The following POLR3B variants were observed in gnomAD, a reference collection of about 807,000 sequenced individuals.
POLR3B encodes the protein DNA-directed RNA polymerase III subunit RPC2.
Under a neutral mutation model 147.4 loss-of-function variants are expected in POLR3B, and 96 were observed. The observed-to-expected ratio is 0.65, with a 90% CI of 0.55 to 0.77. The LOEUF (loss-of-function observed/expected upper bound fraction) is 0.77. Ranked by LOEUF, POLR3B falls within the 30% of genes least tolerant of loss-of-function variation. The pLI, the probability that POLR3B is intolerant of heterozygous loss-of-function variation, is 0.00. For missense variants in POLR3B, 1,036 were observed against 1,413.5 expected (o/e 0.73, Z 4.28); for synonymous variants, 461 against 485.9 (o/e 0.95, Z 0.67).
rs2037541313 is a variant in POLR3B, at chr12:106,433,846, T to G, written c.1755T>G (p.Ile585Met). The part of the protein sequence containing the change: ...STNLTDRCVY[I>M]SSDGGRLCRP... ...ATCTTACAGATCGATGTGTCTATAT[T>G]TCTTCTGATGGGGGAAGGCTATGCA... The change falls in exon 16 of 28, where the codon ATT becomes ATG. Residue 585 changes from isoleucine to methionine, a missense_variant. Transcript: ENST00000228347. The G allele has an allele frequency of 6.2e-7, 1 of 1,613,606 alleles. No homozygotes were observed. The highest frequency in any genetic ancestry group is 1.3e-5 in the African/African-American group (1 of 74,910).
intron 19 of POLR3B, 116 bp downstream of exon 19, chr12:106,444,706 C>A: frequency 9.2e-7 from 1 of 1,091,788 alleles, no homozygotes; most frequent in Non-Finnish European, 1.4e-6. Context: ...GCACTGGGAA[C>A]ACCTGAGGGT....
At chr12:106,484,609 C>A (rs983449806) in intron 23 of POLR3B, among the ~76,000 whole-genome samples, 1 of 151,442 alleles carries the variant, frequency 6.6e-6, no homozygotes. Context: ...AAAGTGTAAA[C>A]AAAAATATAA....
chr12:106,409,802 A>T (rs1052817701), intron 11 of POLR3B, among the ~76,000 whole-genome samples: 1 of 152,104 alleles, frequency 6.6e-6, no homozygotes, highest in Non-Finnish European at 1.5e-5. Flanking sequence ...AGTATGTATC[A>T]TCTGTGGAAA....
intron 16 of POLR3B, among the ~76,000 whole-genome samples, chr12:106,434,639 A>G (rs1271234308): frequency 1.3e-5 from 2 of 151,908 alleles, no homozygotes; most frequent in Non-Finnish European, 2.9e-5. Flanking sequence ...AGCTGAGGAC[A>G]TTGCCTTGTG....
At chr12:106,444,429 G>A in intron 18 of POLR3B, 34 bp from the exon 19 acceptor site, 2 of 1,611,186 alleles carry the variant, frequency 1.2e-6, no homozygotes, top group Non-Finnish European at 1.7e-6. Context: ...TGTACTTGAT[G>A]CTTAAGATAT....
chr12:106,433,202 G>T (rs2037532788), intron 15 of POLR3B, among the ~76,000 whole-genome samples: 2 of 152,166 alleles, frequency 1.3e-5, no homozygotes, highest in Admixed American at 1.3e-4. Context: ...GTATCCCAGA[G>T]GCTAACATTG....
At chr12:106,417,121 T>C (rs77572457) in intron 12 of POLR3B, among the ~76,000 whole-genome samples, 3,760 of 152,286 alleles carry the variant, frequency 0.025, 162 homozygotes, top group African/African-American at 0.085. Flanking sequence ...TTTTAGATTG[T>C]AAGCTCATTG....
chr12:106,371,854 G>C (rs975243372), intron 6 of POLR3B, among the ~76,000 whole-genome samples: 15 of 151,426 alleles, frequency 9.9e-5, no homozygotes, highest in African/African-American at 3.4e-4. Flanking sequence ...ACGAGTTAAT[G>C]GGTGCAGCAC....
intron 9 of POLR3B, among the ~76,000 whole-genome samples, chr12:106,385,354 A>G (rs1417307600): frequency 6.6e-6 from 1 of 152,246 alleles, no homozygotes; most frequent in Non-Finnish European, 1.5e-5. Context: ...TAACCAGTTT[A>G]GTTGAAATGA....
In POLR3B at chr12:106,380,091, G is replaced by A. The variant is rs1240933661; in HGVS notation, c.675G>A (p.Leu225=). 1 of 1,612,636 alleles carries A rather than the reference G, an allele frequency of 6.2e-7. No homozygotes were observed. Among genetic ancestry groups the A allele is most frequent in the Non-Finnish European group, 8.5e-7 (1 of 1,179,024 alleles). Residue 225 remains leucine, a synonymous_variant, in exon 9 of 28, where the codon TTG becomes TTA. Coordinates refer to ENST00000228347, the MANE Select transcript of POLR3B (RefSeq NM_018082.6). ...NMAVKQGRFY[L]RHNTLSEDIP... ...CTGTGAAACAAGGACGATTTTATTT[G>A]AGGCATAATACTTTGTCAGAAGATA...
rs572020824 is a variant in POLR3B at position 106,399,679 on chromosome 12, T to G, written c.847-6178T>G. Among the ~76,000 whole-genome samples the G allele has an allele frequency of 5.9e-5, 9 of 152,132 alleles. 1 individual carries two copies. The highest frequency in any genetic ancestry group is 8.8e-5 in the Non-Finnish European group (6 of 68,022). ...GAGAGTGGGGGCCAATATTCAACATTCTCAAAGAAAAGAATTTTCAACCCA... is the reference window on the plus strand; with the variant it reads ...GAGAGTGGGGGCCAATATTCAACATGCTCAAAGAAAAGAATTTTCAACCCA... On this transcript the variant is annotated intron_variant, in intron 10 of 27. Transcript: ENST00000228347.
intron 9 of POLR3B, among the ~76,000 whole-genome samples, chr12:106,385,838 A>G (rs983787725): frequency 5.3e-5 from 8 of 152,186 alleles, no homozygotes; most frequent in Non-Finnish European, 1.0e-4. Flanking sequence ...TATAAATGAG[A>G]TGGAGCCATT....
chr12:106,500,022 G>A (rs2038572441), intron 25 of POLR3B: 1 of 453,356 alleles, frequency 2.2e-6, no homozygotes, highest in African/African-American at 2.0e-5. Context: ...CAGTGTTGCA[G>A]GGAGAGCCCT....
intron 12 of POLR3B, among the ~76,000 whole-genome samples, chr12:106,418,504 T>C (rs912994646): frequency 6.6e-6 from 1 of 152,232 alleles, no homozygotes; most frequent in South Asian, 2.1e-4. Context: ...AAACACTAAA[T>C]AGCAATCTCA....
At chr12:106,440,972 G>A (rs551372203) in intron 18 of POLR3B, among the ~76,000 whole-genome samples, 91 of 152,092 alleles carry the variant, frequency 6.0e-4, no homozygotes, top group Non-Finnish European at 1.1e-3. Context: ...TCATACTTAT[G>A]TTTTTTAAAA....
chr12:106,483,442 A>G (rs1400863484), intron 23 of POLR3B, among the ~76,000 whole-genome samples: 1 of 152,236 alleles, frequency 6.6e-6, no homozygotes, highest in African/African-American at 2.4e-5. Context: ...AATGCCCATG[A>G]GGAGTTGACT....
intron 10 of POLR3B, among the ~76,000 whole-genome samples, chr12:106,401,332 A>G (rs970620354): frequency 2.0e-5 from 3 of 152,216 alleles, no homozygotes; most frequent in East Asian, 3.8e-4. Flanking sequence ...GCAATAATCA[A>G]TAGCTTACCA....
chr12:106,420,085 C>A (rs55678155), intron 12 of POLR3B, among the ~76,000 whole-genome samples: 33,916 of 151,890 alleles, frequency 0.22, 4,169 homozygotes, highest in African/African-American at 0.32. Context: ...GCTCAGGAAT[C>A]TAAGAGTAAG....
At chr12:106,398,768 G>A (rs1342524172) in intron 10 of POLR3B, among the ~76,000 whole-genome samples, 1 of 152,174 alleles carries the variant, frequency 6.6e-6, no homozygotes, top group Non-Finnish European at 1.5e-5. Context: ...CTGCAGCTGA[G>A]GGTACTGTCT....
Sources: allele counts gnomAD v4.1 joint callset (sites outside exome capture counted in the v4.1 genomes callset), GRCh38; gene constraint gnomAD v4.1.1; transcripts MANE v1.5; gene names NCBI Gene and HGNC (gene_info 2026-07-23, HGNC 2026-07-21).